KMO: variants seen among roughly 807,000 people sequenced by gnomAD.
KMO encodes the protein kynurenine 3-hydroxylase.
KMO carries 24 observed loss-of-function variants against 57.8 expected under a neutral mutation model. That is an observed-to-expected ratio of 0.42 (90% CI 0.30 to 0.58). KMO has a LOEUF of 0.58. Among genes scored for constraint, KMO ranks in the 20% least tolerant of loss-of-function variants. The pLI is 0.22. For missense variants in KMO, 483 were observed against 588.2 expected (o/e 0.82, Z 1.85); for synonymous variants, 210 against 193.6 (o/e 1.08, Z -0.70).
At chr1:241,582,366 T>A (rs1662785055) in intron 10 of KMO, among the ~76,000 whole-genome samples, 1 of 152,180 alleles carries the variant, frequency 6.6e-6, no homozygotes, top group South Asian at 2.1e-4. Flanking sequence ...TACCCTTATG[T>A]CTCTCTCTAT....
intron 5 of KMO, among the ~76,000 whole-genome samples, chr1:241,557,621 G>C (rs1287305677): frequency 1.3e-5 from 2 of 152,102 alleles, no homozygotes; most frequent in Admixed American, 6.6e-5. Flanking sequence ...TGGATAGATG[G>C]GTGGAGTGGA....
chr1:241,573,071 A>G (rs1370978820), intron 10 of KMO, among the ~76,000 whole-genome samples: 1 of 152,162 alleles, frequency 6.6e-6, no homozygotes, highest in Non-Finnish European at 1.5e-5. Flanking sequence ...ATATCTTTAC[A>G]ATAGAGAATT....
chr1:241,555,611 G>C lies in KMO; in HGVS notation c.313-1G>C, dbSNP rs2147954756. ...CAGTATCTACTCTACTTTTCTTGCA[G>C]TATATTCTTTCTGTAAGCAGAGAAA... On this transcript the variant is annotated splice_acceptor_variant, in intron 4 of 14. Transcript: ENST00000366559. LOFTEE classifies it high-confidence loss of function. The C allele has an allele frequency of 6.5e-7, 1 of 1,535,320 alleles. No homozygotes were observed. The highest frequency in any genetic ancestry group is 1.4e-5 in the African/African-American group (1 of 73,452).
chr1:241,569,399 A>G (rs533023047), intron 10 of KMO, among the ~76,000 whole-genome samples: 9 of 152,222 alleles, frequency 5.9e-5, no homozygotes, highest in Admixed American at 2.0e-4. Flanking sequence ...CATATGAGTA[A>G]AAAAGAATGT....
chr1:241,574,094 C>G (rs1013381307), intron 10 of KMO, among the ~76,000 whole-genome samples: 2 of 152,140 alleles, frequency 1.3e-5, no homozygotes, highest in East Asian at 3.9e-4. Flanking sequence ...TATAGCAACG[C>G]TACTGATTTT....
At chr1:241,574,555 G>A (rs1662435143) in intron 10 of KMO, among the ~76,000 whole-genome samples, 1 of 150,100 alleles carries the variant, frequency 6.7e-6, no homozygotes, top group Admixed American at 6.6e-5. Flanking sequence ...TTCTGTTTAT[G>A]TGATGTATCA....
chr1:241,555,041 G>A (rs556836177), intron 4 of KMO, among the ~76,000 whole-genome samples: 1 of 151,918 alleles, frequency 6.6e-6, no homozygotes, highest in African/African-American at 2.4e-5. Context: ...CTCAAGGGAG[G>A]GTCAGCTTTG....
At chr1:241,581,613 G>GAGAAA (rs765306198) in intron 10 of KMO, among the ~76,000 whole-genome samples, 29 of 151,516 alleles carry the variant, frequency 1.9e-4, no homozygotes, top group Non-Finnish European at 2.4e-4. Context: ...AAGAAAAAAA[G>GAGAAA]AGAAAAGAAA....
At chr1:241,587,861 C>A (rs1286665555) in intron 11 of KMO, among the ~76,000 whole-genome samples, 1 of 151,836 alleles carries the variant, frequency 6.6e-6, no homozygotes, top group Non-Finnish European at 1.5e-5. Context: ...TTGCACATGA[C>A]CATGGAGGTG....
chr1:241,532,420 AATT>A lies in KMO; in HGVS notation c.-24_-22del, dbSNP rs778073604. ...GTCACTCAGTGACAGAAGCAACAAT[AATT>A]GTGAAAAATACTTCAGCAGTTATGG... On this transcript the variant is annotated 5_prime_UTR_variant, in exon 1 of 15. Transcript: ENST00000366559. 6.2e-7 allele frequency: 1 copy of A among 1,612,338 alleles called. No individual in the cohort carries two copies. The highest frequency in any genetic ancestry group is 1.7e-5 in the Admixed American group (1 of 59,474).
chr1:241,570,715 G>A (rs1662246953), intron 10 of KMO, among the ~76,000 whole-genome samples: 1 of 152,082 alleles, frequency 6.6e-6, no homozygotes, highest in African/African-American at 2.4e-5. Context: ...GTCAGGTAAT[G>A]TGATGCCTCC....
intron 10 of KMO, among the ~76,000 whole-genome samples, chr1:241,583,400 C>G (rs986854275): frequency 3.3e-5 from 5 of 152,142 alleles, no homozygotes; most frequent in Non-Finnish European, 7.3e-5. Context: ...TCCCTTCTGC[C>G]CCAGGGTGGG....
chr1:241,560,694 C>T lies in KMO; in HGVS notation c.391C>T (p.His131Tyr). 6.2e-7 allele frequency: 1 copy of T among 1,613,416 alleles called. No individual in the cohort carries two copies. ...TGAGAAATACCCCAATGTGAAAATG[C>T]ACTTTAACCACAGGCTGTTGAAATG... ...AAEKYPNVKMHFNHRLLKCNP... is the reference protein window; with the variant it reads ...AAEKYPNVKMYFNHRLLKCNP... Residue 131 changes from histidine to tyrosine, a missense_variant, in exon 6 of 15, where the codon CAC becomes TAC. His to Tyr is a moderately conservative substitution (Grantham distance 83). Coordinates refer to ENST00000366559, the MANE Select transcript of KMO (RefSeq NM_003679.5).
chr1:241,541,554 A>G (rs1660959299), intron 1 of KMO, among the ~76,000 whole-genome samples: 1 of 152,206 alleles, frequency 6.6e-6, no homozygotes, highest in African/African-American at 2.4e-5. Flanking sequence ...TTTTCTTAAG[A>G]GCACTCAGGA....
chr1:241,534,638 A>G (rs897983584), intron 1 of KMO, among the ~76,000 whole-genome samples: 1 of 152,244 alleles, frequency 6.6e-6, no homozygotes, highest in Admixed American at 6.5e-5. Flanking sequence ...TTTAAATTCT[A>G]GCCATTACAA....
At chr1:241,585,764 A>T (rs1418683317) in intron 10 of KMO, among the ~76,000 whole-genome samples, 1 of 151,780 alleles carries the variant, frequency 6.6e-6, no homozygotes, top group Non-Finnish European at 1.5e-5. Flanking sequence ...AAATAAAAAA[A>T]AAAGAACAAA....
Position 241,590,070 on chromosome 1 carries a change from T to C in KMO, c.1157T>C (p.Leu386Pro), listed in dbSNP as rs767460976. 6.2e-7 allele frequency: 1 copy of C among 1,614,042 alleles called. No homozygotes were observed. Among genetic ancestry groups the C allele is most frequent in the Non-Finnish European group, 8.5e-7 (1 of 1,179,896 alleles). ...FIFQKNMERF[L>P]HAIMPSTFIP... ...TTTCAGAAGAACATGGAGAGATTTC[T>C]TCATGCGATTATGCCATCGACCTTT... Residue 386 changes from leucine (L) to proline (P), a missense_variant, in exon 13 of 15, where the codon CTT becomes CCT. Coordinates refer to ENST00000366559, the MANE Select transcript of KMO (RefSeq NM_003679.5).
At chr1:241,566,706 G>A (rs1229615612) in intron 9 of KMO, 94 bp downstream of exon 9, 3 of 1,312,568 alleles carry the variant, frequency 2.3e-6, no homozygotes, top group South Asian at 2.4e-5. Flanking sequence ...GGTTAAACAC[G>A]ATGGATCATG....
At chr1:241,536,610 T>A (rs1419058898) in intron 1 of KMO, 4 of 356,310 alleles carry the variant, frequency 1.1e-5, no homozygotes, top group Non-Finnish European at 1.6e-5. Context: ...CTCCTGCTGT[T>A]GCAATGTATG....
Sources: allele counts gnomAD v4.1 joint callset (sites outside exome capture counted in the v4.1 genomes callset), GRCh38; gene constraint gnomAD v4.1.1; transcripts MANE v1.5; gene names NCBI Gene and HGNC (gene_info 2026-07-23, HGNC 2026-07-21).